Variants in CEP135 observed in about 807,000 individuals in gnomAD.
CEP135 encodes centrosomal protein 135.
Under a neutral mutation model 157.3 loss-of-function variants are expected in CEP135, and 142 were observed. The ratio of observed to expected loss-of-function variants is 0.90; its 90% confidence interval spans 0.79 to 1.04. The LOEUF is 1.04. CEP135 is among the 50% of genes least tolerant of loss of function. The pLI is 0.00. For synonymous variants in CEP135, 396 were observed against 439.8 expected (o/e 0.90, Z 1.25); for missense variants, 1,317 against 1,309.2 (o/e 1.01, Z -0.09).
intron 25 of CEP135, among the ~76,000 whole-genome samples, chr4:56,029,526 A>G (rs758073550): frequency 6.6e-6 from 1 of 152,178 alleles, no homozygotes; most frequent in Non-Finnish European, 1.5e-5. Context: ...CCCAATATAT[A>G]CAGTCATGCA....
At chr4:55,968,151 C>T (rs1728901405) in intron 8 of CEP135, among the ~76,000 whole-genome samples, 1 of 152,118 alleles carries the variant, frequency 6.6e-6, no homozygotes, top group South Asian at 2.1e-4. Context: ...AGAAAGTAAT[C>T]CCATCTGCAA....
intron 7 of CEP135, chr4:55,965,103 T>C (rs1188591299): frequency 6.6e-6 from 1 of 152,514 alleles, no homozygotes; most frequent in Non-Finnish European, 1.5e-5. Flanking sequence ...ATTTAAATTT[T>C]TCTAGTAGCA....
At position 56,024,545 on chromosome 4, in the gene CEP135, C is replaced by T; in HGVS notation, c.3365C>T (p.Pro1122Leu). The T allele has an allele frequency of 6.2e-7, 1 of 1,613,852 alleles. No homozygotes were observed. Among genetic ancestry groups the T allele is most frequent in the Non-Finnish European group, 8.5e-7 (1 of 1,179,844 alleles). The change falls in exon 25 of 26, where the codon CCA becomes CTA. Residue 1122 changes from proline (P) to leucine (L), a missense_variant. Transcript: ENST00000257287. ...ATGCGTCGACATGGTCTTGCTACAC[C>T]ACCCCTTAGTTCCACTCTGAGGTCT... ...QEMRRHGLATPPLSSTLRSPS... is the reference protein window; with the variant it reads ...QEMRRHGLATLPLSSTLRSPS...
At chr4:55,959,134 G>T (rs1378686839) in intron 5 of CEP135, among the ~76,000 whole-genome samples, 2 of 152,122 alleles carry the variant, frequency 1.3e-5, no homozygotes, top group Non-Finnish European at 2.9e-5. Context: ...TTTCCAATAT[G>T]AAAATGGATT....
At chr4:56,012,134 T>C (rs1304963425) in intron 21 of CEP135, 149 bp downstream of exon 21, 6 of 476,854 alleles carry the variant, frequency 1.3e-5, no homozygotes, top group Non-Finnish European at 2.1e-5. Flanking sequence ...CTTTGCTTAC[T>C]GCACCCACCT....
At position 56,011,497 on chromosome 4, in the gene CEP135, G is replaced by T. The variant is rs759817071; in HGVS notation, c.2591G>T (p.Arg864Leu). ...CATAAATACATAACAGAGGTGTCAC[G>T]ATGGGAGAGCTTAATGGCTGCCAAG... Reference protein sequence around the residue: ...RVHKYITEVSRWESLMAAKEK... With the variant: ...RVHKYITEVSLWESLMAAKEK... The change falls in exon 20 of 26, where the codon CGA becomes CTA. Residue 864 changes from arginine (R) to leucine (L), a missense_variant. Transcript: ENST00000257287. The T allele has an allele frequency of 6.2e-7, 1 of 1,609,620 alleles. No homozygotes were observed. The highest frequency in any genetic ancestry group is 8.5e-7 in the Non-Finnish European group (1 of 1,178,516).
intron 10 of CEP135, 73 bp downstream of exon 10, chr4:55,971,481 A>G: frequency 5.7e-6 from 7 of 1,230,926 alleles, no homozygotes; most frequent in Non-Finnish European, 7.8e-6. Flanking sequence ...CTTAGTAGAT[A>G]TTCATTCATT....
chr4:56,020,582 G>A, intron 23 of CEP135, 94 bp from the exon 24 acceptor site: 1 of 903,652 alleles, frequency 1.1e-6, no homozygotes, highest in South Asian at 1.5e-5. Flanking sequence ...TTGTTGAAAG[G>A]TCTTGATCTT....
Position 55,959,671 on chromosome 4 carries a change from G to A in CEP135, c.615-11G>A. On this transcript the variant is annotated splice_polypyrimidine_tract_variant and intron_variant, in intron 5 of 25. Transcript: ENST00000257287. ...AAAAGTGTATTGGCATTAATTTAAAGTGCTTTTCAGGATTCAAGAACTTCA... is the reference window on the plus strand; with the variant it reads ...AAAAGTGTATTGGCATTAATTTAAAATGCTTTTCAGGATTCAAGAACTTCA... The A allele has an allele frequency of 1.2e-6, 2 of 1,610,024 alleles. No individual in the cohort carries two copies. The highest frequency in any genetic ancestry group is 1.1e-5 in the South Asian group (1 of 90,906).
chr4:55,981,345 T>C lies in CEP135; in HGVS notation c.1745T>C (p.Met582Thr), dbSNP rs776373163. Residue 582 changes from methionine (M) to threonine (T), a missense_variant, in exon 13 of 26, where the codon ATG becomes ACG. Transcript: ENST00000257287. ...GCGTTATCTGACTTAAGAAGAATTA[T>C]GGCAGAAAAGGAAGCTTTAAGAGAA... ...ELALSDLRRI[M>T]AEKEALREKL... The C allele has an allele frequency of 6.3e-7, 1 of 1,585,492 alleles. No homozygotes were observed. The highest frequency in any genetic ancestry group is 1.2e-5 in the South Asian group (1 of 84,278).
intron 5 of CEP135, among the ~76,000 whole-genome samples, chr4:55,957,650 G>A (rs1728548985): frequency 6.6e-6 from 1 of 152,136 alleles, no homozygotes; most frequent in South Asian, 2.1e-4. Flanking sequence ...ATTTTGTGTT[G>A]TCTCCAAATA....
chr4:56,015,333 C>T (rs1730735739), intron 21 of CEP135, among the ~76,000 whole-genome samples: 1 of 152,202 alleles, frequency 6.6e-6, no homozygotes, highest in Non-Finnish European at 1.5e-5. Flanking sequence ...GACAGAATGA[C>T]TCTTAAGGGT....
At chr4:55,975,175 G>T (rs754670441) in intron 11 of CEP135, among the ~76,000 whole-genome samples, 2 of 152,194 alleles carry the variant, frequency 1.3e-5, no homozygotes, top group Non-Finnish European at 1.5e-5. Flanking sequence ...TAGATGACTG[G>T]AAATTAAAGG....
In CEP135 at chr4:55,963,031, TCTC is replaced by T. The variant is rs527810478; in HGVS notation, c.700-1242_700-1240del. 4.6e-4 allele frequency among the ~76,000 whole-genome samples: 70 copies of T among 152,290 alleles called. 1 individual carries two copies. The highest frequency in any genetic ancestry group is 1.6e-3 in the African/African-American group (66 of 41,554). On this transcript the variant is annotated intron_variant, in intron 6 of 25. Coordinates refer to ENST00000257287, the MANE Select transcript of CEP135 (RefSeq NM_025009.5). The stretch of plus-strand genomic sequence containing the variant: ...TCTCTTCTGGTTTCGACTCCTTTAT[TCTC>T]TACTTTGGTTGGTAGCATCAATGTT...
intron 17 of CEP135, among the ~76,000 whole-genome samples, chr4:56,001,772 A>G (rs532381921): frequency 8.1e-5 from 12 of 148,606 alleles, no homozygotes; most frequent in African/African-American, 2.7e-4. Context: ...TTTTTTTTCT[A>G]TATCTGTGAG....
chr4:55,964,043 A>T (rs1006738337), intron 6 of CEP135, among the ~76,000 whole-genome samples: 3 of 152,256 alleles, frequency 2.0e-5, no homozygotes, highest in Non-Finnish European at 4.4e-5. Context: ...GGAAGAATCT[A>T]TGTAGTAAAA....
intron 23 of CEP135, 35 bp from the exon 24 acceptor site, chr4:56,020,641 A>G: frequency 6.4e-7 from 1 of 1,570,158 alleles, no homozygotes; most frequent in Non-Finnish European, 8.8e-7. Flanking sequence ...ACAAAACGGA[A>G]CGTTTATTTC....
At chr4:55,962,122 C>T (rs567217178) in intron 6 of CEP135, among the ~76,000 whole-genome samples, 30 of 150,938 alleles carry the variant, frequency 2.0e-4, no homozygotes, top group African/African-American at 6.3e-4. Context: ...TTTTTTGAGA[C>T]GGAGTCTCCC....
intron 6 of CEP135, chr4:55,960,011 G>A (rs1413959472): frequency 1.7e-6 from 1 of 571,672 alleles, no homozygotes; most frequent in East Asian, 2.9e-5. Context: ...CCAGGTACTT[G>A]GGAGGCTGAG....
Sources: gnomAD v4.1 joint callset for allele counts (sites outside exome capture counted in the v4.1 genomes callset) on GRCh38, gnomAD v4.1.1 for gene constraint, MANE v1.5 for transcripts, NCBI Gene and HGNC (gene_info 2026-07-23, HGNC 2026-07-21) for gene names.